Variants in RCAN2 observed in about 807,000 individuals in gnomAD.
RCAN2 encodes regulator of calcineurin 2.
In RCAN2, 9 loss-of-function variants were observed where a neutral mutation model predicts 23.6. The observed-to-expected ratio is 0.38, with a 90% CI of 0.23 to 0.67. The LOEUF (loss-of-function observed/expected upper bound fraction) is 0.67. Ranked by LOEUF, RCAN2 falls within the 30% of genes least tolerant of loss-of-function variation. The probability of loss-of-function intolerance (pLI) is 0.51; values close to 1 mark genes in which losing one functional copy is unlikely to be tolerated. For synonymous variants in RCAN2, 109 were observed against 115.7 expected (o/e 0.94, Z 0.37); for missense variants, 273 against 302.3 (o/e 0.90, Z 0.72).
intron 2 of RCAN2, among the ~76,000 whole-genome samples, chr6:46,432,092 T>C (rs1279635340): frequency 6.6e-6 from 1 of 152,260 alleles, no homozygotes; most frequent in African/African-American, 2.4e-5. Context: ...TTCTTTAAGA[T>C]GATTTATAAG....
intron 2 of RCAN2, among the ~76,000 whole-genome samples, chr6:46,447,908 A>AAAACAT (rs1418733701): frequency 6.6e-6 from 1 of 151,766 alleles, no homozygotes; most frequent in African/African-American, 2.4e-5. Context: ...TTTCAAACAA[A>AAAACAT]AAACATAACA....
In RCAN2 at chr6:46,442,425, C is replaced by T. The variant is rs188223500; in HGVS notation, c.225+14327G>A. Among the ~76,000 whole-genome samples, 217 of 152,292 alleles carry T rather than the reference C, an allele frequency of 1.4e-3. 3 individuals carry two copies. The highest frequency in any genetic ancestry group is 0.013 in the Admixed American group (203 of 15,298). The stretch of plus-strand genomic sequence containing the variant: ...AAGGCACCCTGTTCAGGGCTGCACG[C>T]AGCCCATCAGCCTAGAGGGCAAGAC... On this transcript the variant is annotated intron_variant, in intron 2 of 4. Transcript: ENST00000371374.
intron 2 of RCAN2, among the ~76,000 whole-genome samples, chr6:46,369,468 GCATCA>G: frequency 6.6e-6 from 1 of 152,032 alleles, no homozygotes; most frequent in African/African-American, 2.4e-5. Context: ...GTTTATACTA[GCATCA>G]CCACAAACGT....
At chr6:46,471,842 TTAAAA>T (rs1374191718) in intron 1 of RCAN2, among the ~76,000 whole-genome samples, 1 of 152,080 alleles carries the variant, frequency 6.6e-6, no homozygotes, top group African/African-American at 2.4e-5. Context: ...TGTAAAGCAC[TTAAAA>T]TAGTATAGGA....
At chr6:46,467,549 G>A (rs949872636) in intron 1 of RCAN2, among the ~76,000 whole-genome samples, 3 of 152,192 alleles carry the variant, frequency 2.0e-5, no homozygotes, top group African/African-American at 7.2e-5. Flanking sequence ...CTTTCCTAGA[G>A]TCATGGGTCT....
intron 2 of RCAN2, among the ~76,000 whole-genome samples, chr6:46,428,569 A>C (rs1767099177): frequency 6.6e-6 from 1 of 152,236 alleles, no homozygotes; most frequent in Non-Finnish European, 1.5e-5. Context: ...CCAGAGAAGA[A>C]TCTCCAGTCT....
At chr6:46,320,414 T>C (rs562501930) in intron 2 of RCAN2, among the ~76,000 whole-genome samples, 6 of 152,320 alleles carry the variant, frequency 3.9e-5, no homozygotes, top group African/African-American at 1.4e-4. Context: ...AACAAGTGAT[T>C]TGAAATGTCC....
At chr6:46,463,151 G>A (rs1768274009) in intron 1 of RCAN2, among the ~76,000 whole-genome samples, 1 of 152,086 alleles carries the variant, frequency 6.6e-6, no homozygotes, top group African/African-American at 2.4e-5. Flanking sequence ...GCCAATTCTG[G>A]GTACTGTCCA....
At chr6:46,450,412 C>T (rs1205047715) in intron 2 of RCAN2, among the ~76,000 whole-genome samples, 1 of 151,996 alleles carries the variant, frequency 6.6e-6, no homozygotes, top group East Asian at 1.9e-4. Context: ...AAAAATAGAA[C>T]CACCATTTAA....
chr6:46,423,870 A>G (rs531691828), intron 2 of RCAN2, among the ~76,000 whole-genome samples: 1 of 152,356 alleles, frequency 6.6e-6, no homozygotes, highest in Non-Finnish European at 1.5e-5. Context: ...GTCTATATTC[A>G]TTAACTTACT....
intron 2 of RCAN2, among the ~76,000 whole-genome samples, chr6:46,291,841 C>A (rs1274442746): frequency 6.6e-6 from 1 of 152,084 alleles, no homozygotes; most frequent in African/African-American, 2.4e-5. Context: ...TAAAGTGGCA[C>A]ATGTACTTTC....
intron 2 of RCAN2, among the ~76,000 whole-genome samples, chr6:46,299,826 G>A (rs1762846686): frequency 6.6e-6 from 1 of 151,852 alleles, no homozygotes; most frequent in Non-Finnish European, 1.5e-5. Flanking sequence ...ATTGAACACA[G>A]TAAGTGCTCA....
At position 46,346,083 on chromosome 6, in the gene RCAN2, A is replaced by C. The variant is rs909344454; in HGVS notation, c.226-97187T>G. Among the ~76,000 whole-genome samples the C allele has an allele frequency of 2.6e-5, 4 of 152,300 alleles. No individual in the cohort carries two copies. In the South Asian group the frequency reaches 8.3e-4, roughly 32 times the overall value. ...AGAATATGCTTTCTGATCACAAAGG[A>C]ATTAAATTAGAAATCAATTTGAAAA... On this transcript the variant is annotated intron_variant, in intron 2 of 4. Coordinates refer to ENST00000371374, the MANE Select transcript of RCAN2 (RefSeq NM_001251974.2).
chr6:46,354,897 A>ATGTGTG (rs6149559), intron 2 of RCAN2, among the ~76,000 whole-genome samples: 308 of 144,728 alleles, frequency 2.1e-3, no homozygotes, highest in African/African-American at 4.7e-3. Flanking sequence ...AAGATTATAT[A>ATGTGTG]TGTGTGTGTG....
At chr6:46,407,363 G>A (rs1336930578) in intron 2 of RCAN2, among the ~76,000 whole-genome samples, 1 of 152,128 alleles carries the variant, frequency 6.6e-6, no homozygotes, top group South Asian at 2.1e-4. Context: ...CTCATACAAA[G>A]ATCTTAGCAA....
At chr6:46,279,417 G>T (rs574306310) in intron 2 of RCAN2, among the ~76,000 whole-genome samples, 1 of 152,294 alleles carries the variant, frequency 6.6e-6, no homozygotes, top group East Asian at 1.9e-4. Flanking sequence ...ATAATTCTTT[G>T]TTACAGTGAA....
chr6:46,485,330 A>AG (rs1299045390), intron 1 of RCAN2, among the ~76,000 whole-genome samples: 7 of 152,262 alleles, frequency 4.6e-5, no homozygotes, highest in African/African-American at 1.7e-4. Context: ...AAATGCACAG[A>AG]ATGCAAAATT....
At chr6:46,224,788 G>GT (rs533503312) in intron 4 of RCAN2, among the ~76,000 whole-genome samples, 540 of 145,712 alleles carry the variant, frequency 3.7e-3, no homozygotes, top group South Asian at 4.6e-3. Context: ...ACAAGGTACA[G>GT]TTTTTTTTTT....
intron 2 of RCAN2, among the ~76,000 whole-genome samples, chr6:46,317,730 G>T (rs1165973793): frequency 1.3e-5 from 2 of 152,168 alleles, no homozygotes; most frequent in Non-Finnish European, 2.9e-5. Context: ...CTCCCAAAGT[G>T]TTGGGATTAC....
Sources: allele counts gnomAD v4.1 joint callset (sites outside exome capture counted in the v4.1 genomes callset), GRCh38; gene constraint gnomAD v4.1.1; transcripts MANE v1.5; gene names NCBI Gene and HGNC (gene_info 2026-07-23, HGNC 2026-07-21).